The following PDSS2 variants were observed in gnomAD, a reference collection of about 807,000 sequenced individuals.
The protein encoded by PDSS2 is all trans-polyprenyl-diphosphate synthase PDSS2.
A neutral mutation model predicts 44.5 loss-of-function variants in PDSS2; 31 were observed. The ratio of observed to expected loss-of-function variants is 0.70; its 90% confidence interval spans 0.52 to 0.94. PDSS2 has a LOEUF of 0.94. PDSS2 is among the 40% of genes least tolerant of loss of function. The pLI is 0.00. For missense variants in PDSS2, 452 were observed against 482.2 expected (o/e 0.94, Z 0.59); for synonymous variants, 157 against 180.3 (o/e 0.87, Z 1.03).
chr6:107,428,240 T>C (rs1242417909), intron 1 of PDSS2, among the ~76,000 whole-genome samples: 1 of 152,204 alleles, frequency 6.6e-6, no homozygotes, highest in East Asian at 1.9e-4. Flanking sequence ...TAGTAATCCA[T>C]TGCTAACAAG....
chr6:107,313,631 G>T (rs945882285), intron 2 of PDSS2, among the ~76,000 whole-genome samples: 1 of 152,144 alleles, frequency 6.6e-6, no homozygotes, highest in African/African-American at 2.4e-5. Flanking sequence ...AGAGATTACA[G>T]GCATGAGCCA....
intron 1 of PDSS2, among the ~76,000 whole-genome samples, chr6:107,431,325 T>G (rs1781186951): frequency 6.6e-6 from 1 of 152,190 alleles, no homozygotes; most frequent in East Asian, 1.9e-4. Flanking sequence ...CAATCATGGC[T>G]CACTACAGCC....
chr6:107,340,198 A>C (rs1778038730), intron 1 of PDSS2, among the ~76,000 whole-genome samples: 1 of 152,186 alleles, frequency 6.6e-6, no homozygotes, highest in Non-Finnish European at 1.5e-5. Context: ...ATTATTCTAA[A>C]TATGTTTGTA....
chr6:107,426,301 T>C (rs867053422), intron 1 of PDSS2, among the ~76,000 whole-genome samples: 1 of 152,266 alleles, frequency 6.6e-6, no homozygotes, highest in South Asian at 2.1e-4. Flanking sequence ...TTCCACACGG[T>C]GTTGAGCCTT....
chr6:107,330,926 T>C (rs889297604), intron 2 of PDSS2, among the ~76,000 whole-genome samples: 2 of 152,206 alleles, frequency 1.3e-5, no homozygotes, highest in East Asian at 1.9e-4. Context: ...ATTAGTTCAC[T>C]AGACATCCAC....
At chr6:107,270,211 C>T (rs1449321880) in intron 3 of PDSS2, among the ~76,000 whole-genome samples, 2 of 151,876 alleles carry the variant, frequency 1.3e-5, no homozygotes, top group Non-Finnish European at 2.9e-5. Context: ...CAGGTTCGAG[C>T]GATTCTCGTG....
At chr6:107,223,017 C>T (rs989358550) in intron 4 of PDSS2, among the ~76,000 whole-genome samples, 27 of 150,914 alleles carry the variant, frequency 1.8e-4, no homozygotes, top group African/African-American at 6.1e-4. Flanking sequence ...GGTGCAATCT[C>T]GGCTCACTGC....
intron 3 of PDSS2, among the ~76,000 whole-genome samples, chr6:107,258,383 A>G (rs1775095958): frequency 7.2e-6 from 1 of 139,592 alleles, no homozygotes; most frequent in Admixed American, 7.2e-5. Context: ...TACAACATCT[A>G]CAACATTTGG....
chr6:107,366,614 C>G (rs1405648204), intron 1 of PDSS2, among the ~76,000 whole-genome samples: 1 of 151,680 alleles, frequency 6.6e-6, no homozygotes, highest in Non-Finnish European at 1.5e-5. Flanking sequence ...AAAGAAGACA[C>G]AAATAAACAA....
chr6:107,174,523 CCAAGATTCTAGCT>C (rs888795617), intron 7 of PDSS2, among the ~76,000 whole-genome samples: 2 of 152,124 alleles, frequency 1.3e-5, no homozygotes, highest in Non-Finnish European at 2.9e-5. Flanking sequence ...CTACCCAAGC[CCAAGATTCTAGCT>C]GATAGTGCTT....
At chr6:107,191,571 T>C (rs1772381009) in intron 7 of PDSS2, among the ~76,000 whole-genome samples, 2 of 152,056 alleles carry the variant, frequency 1.3e-5, no homozygotes, top group Admixed American at 6.6e-5. Context: ...CCTAATGCAA[T>C]ATATGGACTT....
intron 2 of PDSS2, among the ~76,000 whole-genome samples, chr6:107,316,491 A>G (rs922768672): frequency 6.6e-6 from 1 of 152,078 alleles, no homozygotes; most frequent in Non-Finnish European, 1.5e-5. Flanking sequence ...TAGTACAGCT[A>G]TTATATATGG....
chr6:107,349,512 G>A (rs1168492593), intron 1 of PDSS2, among the ~76,000 whole-genome samples: 1 of 151,906 alleles, frequency 6.6e-6, no homozygotes, highest in Non-Finnish European at 1.5e-5. Flanking sequence ...ACTTTGGGAG[G>A]CCGAGGCGGA....
chr6:107,232,574 C>G (rs533040279), intron 4 of PDSS2, among the ~76,000 whole-genome samples: 4 of 152,188 alleles, frequency 2.6e-5, no homozygotes, highest in Admixed American at 1.3e-4. Context: ...TATCATTTCT[C>G]CCTATTTAGT....
intron 1 of PDSS2, among the ~76,000 whole-genome samples, chr6:107,396,678 CTT>C (rs950671310): frequency 1.6e-4 from 13 of 79,354 alleles, no homozygotes; most frequent in Non-Finnish European, 3.4e-4. Context: ...CTTCTTTTTT[CTT>C]TTTTTTTTTT....
Position 107,459,361 on chromosome 6 carries a change from A to C in PDSS2, c.-76T>G. On this transcript the variant is annotated 5_prime_UTR_variant, in exon 1 of 8. Transcript: ENST00000369037. This position sits in a 1 kb window ranked among gnomAD's most constrained non-coding sequence, Gnocchi z 4.3. The stretch of plus-strand genomic sequence containing the variant: ...GGAAACAAACCAGGGGCAGAGGAGG[A>C]ACTTACAGTAACTAAAAGGAAGCGG... 8.5e-7 allele frequency: 1 copy of C among 1,182,760 alleles called. No homozygotes were observed. The highest frequency in any genetic ancestry group is 1.2e-6 in the Non-Finnish European group (1 of 804,996). 73.3% of individuals were successfully genotyped at this position (1,182,760 alleles called of 1,614,324 possible). A position where few individuals can be genotyped will look rare whatever the true frequency, so the allele number is the denominator to read the frequency against.
chr6:107,289,668 C>G (rs1383390135), intron 2 of PDSS2, among the ~76,000 whole-genome samples: 1 of 152,094 alleles, frequency 6.6e-6, no homozygotes, highest in South Asian at 2.1e-4. Context: ...TGCACTCCAG[C>G]CTGGGAGACA....
At position 107,447,504 on chromosome 6, in the gene PDSS2, C is replaced by A. The variant is rs535425081; in HGVS notation, c.296+11486G>T. On this transcript the variant is annotated intron_variant, in intron 1 of 7. Transcript: ENST00000369037. ...GGAATCCAACAGGGCAGTCATTAAA[C>A]CTTAAAAGTTCCAAAATGATCTCCT... Among the ~76,000 whole-genome samples, 11 of 152,250 alleles carry A rather than the reference C, an allele frequency of 7.2e-5. No individual in the cohort carries two copies. In the South Asian group the frequency reaches 2.3e-3, roughly 32 times the overall value.
intron 2 of PDSS2, among the ~76,000 whole-genome samples, chr6:107,276,330 T>C (rs1337103763): frequency 1.3e-5 from 2 of 152,110 alleles, no homozygotes; most frequent in African/African-American, 4.8e-5. Flanking sequence ...GTACCTCCCA[T>C]TTCTCCCTCT....
Sources: gnomAD v4.1 joint callset for allele counts (sites outside exome capture counted in the v4.1 genomes callset) on GRCh38, gnomAD v4.1.1 for gene constraint, Gnocchi (gnomAD v3.1) non-coding constraint, MANE v1.5 for transcripts, NCBI Gene and HGNC (gene_info 2026-07-23, HGNC 2026-07-21) for gene names.